Variants in TRAIP observed in about 807,000 individuals in gnomAD.
The protein encoded by TRAIP is TRAF interacting protein, also known as E3 ubiquitin-protein ligase TRAIP.
A neutral mutation model predicts 65.0 loss-of-function variants in TRAIP; 37 were observed. The observed-to-expected ratio is 0.57, with a 90% CI of 0.44 to 0.75. TRAIP has a LOEUF of 0.75. TRAIP is among the 30% of genes least tolerant of loss of function. The pLI is 0.00. For missense variants in TRAIP, 481 were observed against 579.4 expected, an observed-to-expected ratio of 0.83 and a Z score of 1.74; for synonymous variants, 187 against 219.1, an observed-to-expected ratio of 0.85 and a Z score of 1.29.
chr3:49,846,572 G>A lies in TRAIP; in HGVS notation c.240+953C>T, dbSNP rs1575397402. Among the ~76,000 whole-genome samples, 6 of 152,304 alleles carry A rather than the reference G, an allele frequency of 3.9e-5. No homozygotes were observed. In the East Asian group the frequency reaches 7.7e-4, roughly 20 times the overall value. On this transcript the variant is annotated intron_variant, in intron 3 of 14. Coordinates refer to ENST00000331456, the MANE Select transcript of TRAIP (RefSeq NM_005879.3). Reference sequence around the variant, plus strand: ...TGGAATTGACCTGAAATCCCAAAGGGAGGGTTTACAGTCAAGCAGCTCCCC... The same window carrying A: ...TGGAATTGACCTGAAATCCCAAAGGAAGGGTTTACAGTCAAGCAGCTCCCC...
intron 3 of TRAIP, 50 bp downstream of exon 3, chr3:49,847,475 G>T (rs369165307): frequency 1.4e-5 from 16 of 1,172,336 alleles, no homozygotes; most frequent in Middle Eastern, 2.0e-4. Flanking sequence ...AAAGAAAAGT[G>T]AACTCGCACA....
chr3:49,851,933 G>A (rs1244951793), intron 1 of TRAIP, among the ~76,000 whole-genome samples: 4 of 150,056 alleles, frequency 2.7e-5, no homozygotes, highest in South Asian at 2.1e-4. Context: ...TCCTGACCTC[G>A]TGATCCACCA....
In TRAIP at chr3:49,839,791, C is replaced by T. The variant is rs779634349; in HGVS notation, c.865G>A (p.Asp289Asn). Residue 289 changes from aspartate (D) to asparagine (N), a missense_variant, in exon 10 of 15, where the codon GAC becomes AAC. Transcript: ENST00000331456. Reference sequence around the variant, plus strand: ...ACAAACCTCTCTAAAACCAGGCGGTCGACAGTCTCACTGGCCACTGGTGGC... The same window carrying T: ...ACAAACCTCTCTAAAACCAGGCGGTTGACAGTCTCACTGGCCACTGGTGGC... ...NLPPVASETVDRLVLESPAPV... is the reference protein window; with the variant it reads ...NLPPVASETVNRLVLESPAPV... 52 of 1,614,030 alleles carry T rather than the reference C, an allele frequency of 3.2e-5. No individual in the cohort carries two copies. The highest frequency in any genetic ancestry group is 4.0e-5 in the Non-Finnish European group (47 of 1,180,016).
rs368872905 is a variant in TRAIP, at chr3:49,829,218, G to A, written c.1295C>T (p.Thr432Ile). The A allele has an allele frequency of 6.2e-6, 10 of 1,614,120 alleles. No homozygotes were observed. In the African/African-American group the frequency reaches 1.3e-4, roughly 22 times the overall value. The part of the protein sequence containing the change: ...GRTKFIQPTD[T>I]VMIRPLPVKP... ...AACAGGCAATGGGCGGATCATGACT[G>A]TGTCAGTCTGGAGGAGCTGTCAAGG... The change falls in exon 15 of 15, where the codon ACA becomes ATA. Residue 432 changes from threonine to isoleucine, a missense_variant. Transcript: ENST00000331456.
At chr3:49,839,714 CTG>C in intron 10 of TRAIP, 56 bp downstream of exon 10, 1 of 1,496,090 alleles carries the variant, frequency 6.7e-7, no homozygotes, top group South Asian at 1.1e-5. Context: ...GGAGTAAAGA[CTG>C]TTACCAGAAA....
intron 1 of TRAIP, among the ~76,000 whole-genome samples, chr3:49,855,049 G>C (rs1452629416): frequency 1.3e-5 from 2 of 151,822 alleles, no homozygotes; most frequent in Non-Finnish European, 2.9e-5. Context: ...GTGTAACAGA[G>C]TGAGACCCTG....
chr3:49,854,796 C>T (rs1329429661), intron 1 of TRAIP, among the ~76,000 whole-genome samples: 1 of 152,094 alleles, frequency 6.6e-6, no homozygotes, highest in African/African-American at 2.4e-5. Flanking sequence ...GTGGTTCACA[C>T]CTGTAATCCT....
rs541832239 is a variant in TRAIP at position 49,830,214 on chromosome 3, A to T, written c.1038-146T>A. 4 of 870,916 alleles carry T rather than the reference A, an allele frequency of 4.6e-6. No individual in the cohort carries two copies. In the East Asian group the frequency reaches 1.0e-4, roughly 22 times the overall value. The allele number at this position is 870,916 out of a possible 1,614,324, so 53.9% of individuals were successfully genotyped here. A position where few individuals can be genotyped will look rare whatever the true frequency, so the allele number is the denominator to read the frequency against. On this transcript the variant is annotated intron_variant, in intron 11 of 14. Transcript: ENST00000331456. The stretch of plus-strand genomic sequence containing the variant: ...CTGGGCAAGGCACCTCAGTGATCCC[A>T]CCCCAAGTGCAGGTCTGTTAACAGC...
Position 49,830,039 on chromosome 3 carries a change from A to G in TRAIP, c.1067T>C (p.Ile356Thr), listed in dbSNP as rs145654028. The change falls in exon 12 of 15, where the codon ATA becomes ACA. Residue 356 changes from isoleucine (I) to threonine (T), a missense_variant. Transcript: ENST00000331456. Reference sequence around the variant, plus strand: ...TCTTACCTTCCTGGGGCCTTTGCATATCTTCTTGGGGACATCCTGAATTGG... The same window carrying G: ...TCTTACCTTCCTGGGGCCTTTGCATGTCTTCTTGGGGACATCCTGAATTGG... ...HSPIQDVPKK[I>T]CKGPRKESQL... The G allele has an allele frequency of 1.5e-4, 247 of 1,614,172 alleles. No homozygotes were observed. In the African/African-American group the frequency reaches 3.2e-3, roughly 21 times the overall value.
At chr3:49,847,797 G>A (rs550874094) in intron 2 of TRAIP, among the ~76,000 whole-genome samples, 189 bp from the exon 3 acceptor site, 35 of 152,320 alleles carry the variant, frequency 2.3e-4, no homozygotes, top group African/African-American at 7.5e-4. Flanking sequence ...AGTTGGGGCT[G>A]CTGGTTTCGT....
intron 1 of TRAIP, 94 bp downstream of exon 1, chr3:49,856,262 G>T: frequency 1.8e-6 from 2 of 1,083,646 alleles, no homozygotes; most frequent in Non-Finnish European, 2.7e-6. Context: ...TCACTTGTCT[G>T]GATTCCGGGG....
intron 11 of TRAIP, among the ~76,000 whole-genome samples, chr3:49,831,479 C>T (rs902002295): frequency 6.6e-6 from 1 of 152,198 alleles, no homozygotes; most frequent in Non-Finnish European, 1.5e-5. Flanking sequence ...CCCTGTGGGT[C>T]ACCCCCTTGG....
At position 49,852,761 on chromosome 3, in the gene TRAIP, A is replaced by G. The variant is rs531654574; in HGVS notation, c.98+3595T>C. ...CACAGCGAGACTCCGTCTCAAAAAAAAAAGAAAGAAAGAAAGAAATTGCTC... is the reference window on the plus strand; with the variant it reads ...CACAGCGAGACTCCGTCTCAAAAAAGAAAGAAAGAAAGAAAGAAATTGCTC... On this transcript the variant is annotated intron_variant, in intron 1 of 14. Coordinates refer to ENST00000331456, the MANE Select transcript of TRAIP (RefSeq NM_005879.3). 4.6e-3 allele frequency among the ~76,000 whole-genome samples: 703 copies of G among 151,724 alleles called. 4 individuals are homozygous for G. The highest frequency in any genetic ancestry group is 7.8e-3 in the African/African-American group (322 of 41,280).
rs150713311 is a variant in TRAIP, at chr3:49,834,091, G to A, written c.885-2023C>T. On this transcript the variant is annotated intron_variant, in intron 10 of 14. Transcript: ENST00000331456. ...AGGCCTTGAGCAGCCCATTGCCTGCGTGGCATGGGATTAGTCAACATCTCC... is the reference window on the plus strand; with the variant it reads ...AGGCCTTGAGCAGCCCATTGCCTGCATGGCATGGGATTAGTCAACATCTCC... 1.9e-3 allele frequency among the ~76,000 whole-genome samples: 283 copies of A among 152,240 alleles called. 1 individual carries two copies. The highest frequency in any genetic ancestry group is 3.5e-3 in the Non-Finnish European group (241 of 68,008).
chr3:49,838,179 T>C (rs2081804822), intron 10 of TRAIP, among the ~76,000 whole-genome samples: 1 of 152,204 alleles, frequency 6.6e-6, no homozygotes, highest in African/African-American at 2.4e-5. Context: ...ACCACTTCAA[T>C]ATTTATGCCC....
At chr3:49,856,271 G>T (rs2081968467) in intron 1 of TRAIP, 85 bp downstream of exon 1, 3 of 1,193,874 alleles carry the variant, frequency 2.5e-6, no homozygotes, top group Non-Finnish European at 3.6e-6. Flanking sequence ...TGGATTCCGG[G>T]GTTGGACCGC....
chr3:49,844,964 GAC>G (rs2081869722), intron 3 of TRAIP, among the ~76,000 whole-genome samples: 1 of 152,174 alleles, frequency 6.6e-6, no homozygotes, highest in Non-Finnish European at 1.5e-5. Flanking sequence ...ACTCACCAGG[GAC>G]ACACAATAGG....
At chr3:49,834,443 G>A (rs2081763296) in intron 10 of TRAIP, among the ~76,000 whole-genome samples, 1 of 152,288 alleles carries the variant, frequency 6.6e-6, no homozygotes, top group East Asian at 1.9e-4. Flanking sequence ...AGGAAAGGGA[G>A]GGCCTTGCAA....
At chr3:49,847,319 T>C (rs2081892261) in intron 3 of TRAIP, among the ~76,000 whole-genome samples, 1 of 151,062 alleles carries the variant, frequency 6.6e-6, no homozygotes, top group East Asian at 1.9e-4. Flanking sequence ...GAGTTTGAGG[T>C]TATAGTGAGC....
Sources: allele counts gnomAD v4.1 joint callset (sites outside exome capture counted in the v4.1 genomes callset), GRCh38; gene constraint gnomAD v4.1.1; transcripts MANE v1.5; gene names NCBI Gene and HGNC (gene_info 2026-07-23, HGNC 2026-07-21).